RCAN2: variants seen among roughly 807,000 people sequenced by gnomAD.
RCAN2 encodes calcipressin-2.
A neutral mutation model predicts 23.6 loss-of-function variants in RCAN2; 9 were observed. The ratio of observed to expected loss-of-function variants is 0.38; its 90% confidence interval spans 0.23 to 0.67. The LOEUF is 0.67. Among genes scored for constraint, RCAN2 ranks in the 30% least tolerant of loss-of-function variants. The pLI is 0.51. For synonymous variants in RCAN2, 109 were observed against 115.7 expected (o/e 0.94, Z 0.37); for missense variants, 273 against 302.3 (o/e 0.90, Z 0.72).
chr6:46,470,012 A>T (rs1467668665), intron 1 of RCAN2, among the ~76,000 whole-genome samples: 1 of 152,178 alleles, frequency 6.6e-6, no homozygotes, highest in Non-Finnish European at 1.5e-5. Flanking sequence ...GGACACCTTG[A>T]TCTTAGACTT....
At chr6:46,383,910 C>T (rs1765673896) in intron 2 of RCAN2, among the ~76,000 whole-genome samples, 2 of 152,168 alleles carry the variant, frequency 1.3e-5, no homozygotes, top group Non-Finnish European at 2.9e-5. Flanking sequence ...CTGGGCCCTG[C>T]CTTCCCCTCC....
At chr6:46,486,042 C>A (rs1196001857) in intron 1 of RCAN2, among the ~76,000 whole-genome samples, 1 of 152,186 alleles carries the variant, frequency 6.6e-6, no homozygotes, top group Non-Finnish European at 1.5e-5. Context: ...ATTAGTAGGT[C>A]CCTATTGTGA....
intron 2 of RCAN2, among the ~76,000 whole-genome samples, chr6:46,271,375 T>A (rs965953651): frequency 1.3e-5 from 2 of 152,194 alleles, no homozygotes; most frequent in African/African-American, 2.4e-5. Context: ...ACTGATTGGA[T>A]GAAGCCCACA....
intron 2 of RCAN2, among the ~76,000 whole-genome samples, chr6:46,397,083 C>T (rs1052577696): frequency 1.3e-5 from 2 of 152,024 alleles, no homozygotes; most frequent in Admixed American, 1.3e-4. Flanking sequence ...TGCACTCCAG[C>T]CTGGGAAACA....
At chr6:46,391,888 C>T (rs1765947874) in intron 2 of RCAN2, among the ~76,000 whole-genome samples, 1 of 151,996 alleles carries the variant, frequency 6.6e-6, no homozygotes, top group Non-Finnish European at 1.5e-5. Context: ...ATTGTAGATG[C>T]TCAGTAATTA....
chr6:46,406,788 G>A (rs934619932), intron 2 of RCAN2, among the ~76,000 whole-genome samples: 7 of 152,302 alleles, frequency 4.6e-5, no homozygotes, highest in Admixed American at 2.0e-4. Flanking sequence ...CAGTGTAAAC[G>A]ACAGCCCTTT....
chr6:46,370,754 G>A (rs1364669942), intron 2 of RCAN2, among the ~76,000 whole-genome samples: 1 of 152,192 alleles, frequency 6.6e-6, no homozygotes, highest in African/African-American at 2.4e-5. Context: ...TAGACCTGAA[G>A]GGTTTCGTTC....
At chr6:46,240,894 A>G (rs1766281798) in intron 4 of RCAN2, among the ~76,000 whole-genome samples, 1 of 152,252 alleles carries the variant, frequency 6.6e-6, no homozygotes, top group South Asian at 2.1e-4. Flanking sequence ...ATCTAAATAT[A>G]GCAGACACAT....
At chr6:46,447,456 A>T (rs925381588) in intron 2 of RCAN2, among the ~76,000 whole-genome samples, 2 of 151,966 alleles carry the variant, frequency 1.3e-5, no homozygotes, top group East Asian at 1.9e-4. Flanking sequence ...AATATCAATA[A>T]GGAAACATCA....
intron 2 of RCAN2, among the ~76,000 whole-genome samples, chr6:46,401,773 A>G (rs1766254008): frequency 6.6e-6 from 1 of 152,146 alleles, no homozygotes; most frequent in African/African-American, 2.4e-5. Flanking sequence ...TAATAGTAAA[A>G]GCAGGTGCCT....
chr6:46,363,523 A>G (rs1027614295), intron 2 of RCAN2, among the ~76,000 whole-genome samples: 1 of 152,192 alleles, frequency 6.6e-6, no homozygotes, highest in East Asian at 1.9e-4. Flanking sequence ...GAAAGAAAAA[A>G]TTCTAAAGAC....
intron 1 of RCAN2, among the ~76,000 whole-genome samples, chr6:46,457,404 T>A (rs1412974313): frequency 6.6e-6 from 1 of 152,142 alleles, no homozygotes; most frequent in African/African-American, 2.4e-5. Context: ...TTTTCCCCAA[T>A]TTACAGATGG....
At position 46,320,945 on chromosome 6, in the gene RCAN2, C is replaced by T. The variant is rs183106138; in HGVS notation, c.226-72049G>A. On this transcript the variant is annotated intron_variant, in intron 2 of 4. Coordinates refer to ENST00000371374, the MANE Select transcript of RCAN2 (RefSeq NM_001251974.2). ...AGACAGTGACCGTCTCAATGGGTAC[C>T]TAAATGAATGAATGATTGAAACAGG... Among the ~76,000 whole-genome samples, 11 of 152,166 alleles carry T rather than the reference C, an allele frequency of 7.2e-5. No individual in the cohort carries two copies. In the East Asian group the frequency reaches 2.1e-3, roughly 29 times the overall value.
chr6:46,441,348 C>A (rs1389969025), intron 2 of RCAN2, among the ~76,000 whole-genome samples: 1 of 152,210 alleles, frequency 6.6e-6, no homozygotes, highest in African/African-American at 2.4e-5. Flanking sequence ...CTGAATCCAA[C>A]ACCCACATCA....
At chr6:46,280,918 A>T (rs996716129) in intron 2 of RCAN2, among the ~76,000 whole-genome samples, 6 of 152,138 alleles carry the variant, frequency 3.9e-5, no homozygotes, top group African/African-American at 1.2e-4. Flanking sequence ...TTACTGAGGA[A>T]CAGAGATGTC....
At chr6:46,488,312 G>A (rs1395170593) in intron 1 of RCAN2, among the ~76,000 whole-genome samples, 4 of 152,182 alleles carry the variant, frequency 2.6e-5, no homozygotes. Flanking sequence ...TAACAACAGT[G>A]CCTGCCTCAT....
chr6:46,412,820 G>A (rs1197686663), intron 2 of RCAN2, among the ~76,000 whole-genome samples: 1 of 152,182 alleles, frequency 6.6e-6, no homozygotes, highest in African/African-American at 2.4e-5. Context: ...ACCAGTAGAG[G>A]GGTTGTTGGG....
At chr6:46,475,659 A>T (rs1008468036) in intron 1 of RCAN2, among the ~76,000 whole-genome samples, 2 of 152,188 alleles carry the variant, frequency 1.3e-5, no homozygotes, top group African/African-American at 2.4e-5. Flanking sequence ...TAAGCAGAGC[A>T]GTTGAAATGC....
At chr6:46,254,259 C>A (rs1243966502) in intron 2 of RCAN2, among the ~76,000 whole-genome samples, 1 of 152,192 alleles carries the variant, frequency 6.6e-6, no homozygotes, top group Non-Finnish European at 1.5e-5. Context: ...ACACTGAACA[C>A]TGCTGTACAA....
Sources: allele counts gnomAD v4.1 joint callset (sites outside exome capture counted in the v4.1 genomes callset), GRCh38; gene constraint gnomAD v4.1.1; transcripts MANE v1.5; gene names NCBI Gene and HGNC (gene_info 2026-07-23, HGNC 2026-07-21).